Variants in ZFP28 observed in about 807,000 individuals in gnomAD.
The protein encoded by ZFP28 is zinc finger protein 28 homolog.
ZFP28 carries 31 observed loss-of-function variants against 39.5 expected under a neutral mutation model. The observed-to-expected ratio is 0.79, with a 90% CI of 0.59 to 1.06. The LOEUF (loss-of-function observed/expected upper bound fraction) is 1.06. Among genes scored for constraint, ZFP28 ranks in the 50% least tolerant of loss-of-function variants. The probability of loss-of-function intolerance (pLI) is 0.00; values close to 1 mark genes in which losing one functional copy is unlikely to be tolerated. For missense variants in ZFP28, 925 were observed against 1,048.4 expected (o/e 0.88, Z 1.63); for synonymous variants, 400 against 378.6 (o/e 1.06, Z -0.66).
Position 56,547,959 on chromosome 19 carries a change from T to C in ZFP28, c.523+57T>C. Reference sequence around the variant, plus strand: ...CACTGCTGGTCATAGTTCAGCTGACTCAGACACGCAACATCTTCAGCAGAC... The same window carrying C: ...CACTGCTGGTCATAGTTCAGCTGACCCAGACACGCAACATCTTCAGCAGAC... On this transcript the variant is annotated intron_variant, in intron 4 of 7. Transcript: ENST00000301318. The surrounding 1 kb of genome is among the most constrained non-coding windows in gnomAD (Gnocchi z 4.6). 6.5e-7 allele frequency: 1 copy of C among 1,541,082 alleles called. No homozygotes were observed. The highest frequency in any genetic ancestry group is 1.4e-5 in the African/African-American group (1 of 73,336).
Position 56,554,249 on chromosome 19 carries a change from C to T in ZFP28, c.1464C>T (p.Asn488=). The change falls in exon 8 of 8, where the codon AAC becomes AAT. Residue 488 remains asparagine (N), a synonymous_variant. Coordinates refer to ENST00000301318, the MANE Select transcript of ZFP28 (RefSeq NM_020828.2). The surrounding 1 kb of genome is among the most constrained non-coding windows in gnomAD (Gnocchi z 6.7). The part of the protein sequence containing the change: ...CIECGKAFIQ[N]TSLIRHWRYY... ...AGTGTGGGAAAGCTTTCATACAGAA[C>T]ACATCCCTTATCCGTCACTGGAGAT... 6.2e-7 allele frequency: 1 copy of T among 1,614,120 alleles called. No homozygotes were observed. The highest frequency in any genetic ancestry group is 1.3e-5 in the African/African-American group (1 of 75,012).
intron 7 of ZFP28, among the ~76,000 whole-genome samples, chr19:56,553,469 G>C (rs1456393125): frequency 6.6e-6 from 1 of 152,138 alleles, no homozygotes; most frequent in African/African-American, 2.4e-5. Context: ...CGCCTCAAGT[G>C]ATCTGCCTCA....
In ZFP28 at chr19:56,544,170, A is replaced by G. The variant is rs746302167; in HGVS notation, c.301-3338A>G. ...TCATGTCATCATGACGGTTTTAGAAATTTACAGGCAAGACACTTAGATGGC... is the reference window on the plus strand; with the variant it reads ...TCATGTCATCATGACGGTTTTAGAAGTTTACAGGCAAGACACTTAGATGGC... On this transcript the variant is annotated intron_variant, in intron 2 of 7. Coordinates refer to ENST00000301318, the MANE Select transcript of ZFP28 (RefSeq NM_020828.2). 5.3e-5 allele frequency among the ~76,000 whole-genome samples: 8 copies of G among 152,348 alleles called. No homozygotes were observed. The South Asian group carries it at 1.7e-3, about 32-fold the overall frequency.
intron 7 of ZFP28, chr19:56,551,217 A>C: frequency 1.0e-6 from 1 of 986,554 alleles, no homozygotes; most frequent in Non-Finnish European, 1.2e-6. Context: ...GTTGAATTGC[A>C]AGAAGGTGGA....
chr19:56,544,483 C>A (rs770989162), intron 2 of ZFP28: 5 of 152,198 alleles, frequency 3.3e-5, no homozygotes, highest in South Asian at 2.1e-4. Flanking sequence ...GAGTTGCGGC[C>A]AAGGCTATTT....
chr19:56,537,588 G>A (rs536040750), upstream of ZFP28: 99 of 152,356 alleles, frequency 6.5e-4, no homozygotes, highest in African/African-American at 2.3e-3. Flanking sequence ...TACATGGCTA[G>A]GTCCACCTGA....
At chr19:56,552,723 A>G (rs1447743274) in intron 7 of ZFP28, 10 of 152,072 alleles carry the variant, frequency 6.6e-5, no homozygotes, top group East Asian at 3.8e-4. Context: ...TTTCACTCCT[A>G]TCTCTTAAAA....
Position 56,554,048 on chromosome 19 carries a change from G to A in ZFP28, c.1263G>A (p.Lys421=), listed in dbSNP as rs1438274375. Residue 421 remains lysine, a synonymous_variant, in exon 8 of 8, where the codon AAG becomes AAA. Coordinates refer to ENST00000301318, the MANE Select transcript of ZFP28 (RefSeq NM_020828.2). The surrounding 1 kb of genome is among the most constrained non-coding windows in gnomAD (Gnocchi z 6.7). ...TCTATGCAGGAAAAAAGCTTTTCAA[G>A]TGTAATGAATGTAAGAAAACTTTTA... The part of the protein sequence containing the change: ...TGIYAGKKLF[K]CNECKKTFTQ... 4 of 1,614,106 alleles carry A rather than the reference G, an allele frequency of 2.5e-6. No individual in the cohort carries two copies. The highest frequency in any genetic ancestry group is 1.7e-6 in the Non-Finnish European group (2 of 1,180,012).
At position 56,553,885 on chromosome 19, in the gene ZFP28, C is replaced by A. The variant is rs146055435; in HGVS notation, c.1100C>A (p.Thr367Asn). ...CAAGAGCCAATTACTCATAACAAAA[C>A]CCTCTCTAAGGAAAGAGAACGTACA... Reference protein sequence around the residue: ...FRQEPITHNKTLSKERERTYN... With the variant: ...FRQEPITHNKNLSKERERTYN... The change falls in exon 8 of 8, where the codon ACC becomes AAC. Residue 367 changes from threonine (T) to asparagine (N), a missense_variant. Physicochemically the swap from Thr to Asn is moderately conservative, Grantham distance 65. Coordinates refer to ENST00000301318, the MANE Select transcript of ZFP28 (RefSeq NM_020828.2). The A allele has an allele frequency of 1.9e-6, 3 of 1,614,032 alleles. No homozygotes were observed. The highest frequency in any genetic ancestry group is 2.2e-5 in the East Asian group (1 of 44,878).
In ZFP28 at chr19:56,555,495, G is replaced by C; in HGVS notation, c.*103G>C. On this transcript the variant is annotated 3_prime_UTR_variant, in exon 8 of 8. Coordinates refer to ENST00000301318, the MANE Select transcript of ZFP28 (RefSeq NM_020828.2). ...CCTTATTAGTTAGTTCTTCACATAA[G>C]TGTAAATGTAACTTATTCACTCCTC... 7.1e-7 allele frequency: 1 copy of C among 1,411,912 alleles called. No homozygotes were observed. 87.5% of individuals were successfully genotyped at this position (1,411,912 alleles called of 1,614,324 possible).
intron 7 of ZFP28, chr19:56,550,854 T>C (rs759654893): frequency 1.4e-6 from 2 of 1,452,366 alleles, no homozygotes; most frequent in African/African-American, 2.9e-5. Context: ...ATCCACTTGC[T>C]TCCTTAAATG....
rs752116289 is a variant in ZFP28 at position 56,554,805 on chromosome 19, G to A, written c.2020G>A (p.Glu674Lys). The change falls in exon 8 of 8, where the codon GAG (glutamate) becomes AAG (lysine). Residue 674 changes from glutamate to lysine, a missense_variant. By Grantham distance (56) the Glu-to-Lys change is moderately conservative (BLOSUM62 1). This residue lies in a region of ZFP28 where 369 missense variants were observed against 505.5 expected (regional missense o/e 0.73). Coordinates refer to ENST00000301318, the MANE Select transcript of ZFP28 (RefSeq NM_020828.2). The surrounding 1 kb of genome is among the most constrained non-coding windows in gnomAD (Gnocchi z 6.7). ...QKTHTGEKPYECKECGKAFSQ... is the reference protein window; with the variant it reads ...QKTHTGEKPYKCKECGKAFSQ... Reference sequence around the variant, plus strand: ...AACCCATACAGGAGAGAAACCATATGAGTGCAAGGAATGCGGTAAAGCCTT... The same window carrying A: ...AACCCATACAGGAGAGAAACCATATAAGTGCAAGGAATGCGGTAAAGCCTT... The A allele has an allele frequency of 1.1e-5, 18 of 1,614,160 alleles. No individual in the cohort carries two copies. The highest frequency in any genetic ancestry group is 1.5e-5 in the Non-Finnish European group (18 of 1,180,026).
At chr19:56,544,665 T>C (rs2044224137) in intron 2 of ZFP28, 1 of 152,222 alleles carries the variant, frequency 6.6e-6, no homozygotes, top group South Asian at 2.1e-4. Context: ...TATTTTCTCA[T>C]CTGTAAAATG....
intron 2 of ZFP28, among the ~76,000 whole-genome samples, chr19:56,540,031 G>T (rs905225506): frequency 1.3e-5 from 2 of 152,202 alleles, no homozygotes; most frequent in African/African-American, 2.4e-5. Context: ...AGACTCTTCT[G>T]CTATACATGG....
rs1166891116 is a variant in ZFP28, at chr19:56,554,543, A to G, written c.1758A>G (p.Glu586=). The G allele has an allele frequency of 6.2e-7, 1 of 1,614,192 alleles. No homozygotes were observed. The highest frequency in any genetic ancestry group is 1.1e-5 in the South Asian group (1 of 91,080). ...AACATCAAAGAGTACATTCTGGAGA[A>G]AAGCCTTTTAAGTGTAAAGAGTGCG... The part of the protein sequence containing the change: ...LTQHQRVHSG[E]KPFKCKECGK... Residue 586 remains glutamate (E), a synonymous_variant, in exon 8 of 8, where the codon GAA becomes GAG. Coordinates refer to ENST00000301318, the MANE Select transcript of ZFP28 (RefSeq NM_020828.2). This position sits in a 1 kb window ranked among gnomAD's most constrained non-coding sequence, Gnocchi z 6.7.
rs183592725 is a variant in ZFP28, at chr19:56,554,838, A to G, written c.2053A>G (p.Thr685Ala). The change falls in exon 8 of 8, where the codon ACC becomes GCC. Residue 685 changes from threonine (T) to alanine (A), a missense_variant. By Grantham distance (58) the Thr-to-Ala change is moderately conservative (BLOSUM62 0). Coordinates refer to ENST00000301318, the MANE Select transcript of ZFP28 (RefSeq NM_020828.2). This position sits in a 1 kb window ranked among gnomAD's most constrained non-coding sequence, Gnocchi z 6.7. ...GGAATGCGGTAAAGCCTTCAGCCAG[A>G]CCACACACCTCATTCAACATCAGAG... ...CKECGKAFSQ[T>A]THLIQHQRVH... The G allele has an allele frequency of 2.5e-6, 4 of 1,614,164 alleles. No homozygotes were observed. The East Asian group carries it at 8.9e-5, about 36-fold the overall frequency.
chr19:56,540,261 A>T, intron 2 of ZFP28, among the ~76,000 whole-genome samples: 1 of 152,224 alleles, frequency 6.6e-6, no homozygotes, highest in East Asian at 1.9e-4. Flanking sequence ...CAAGGAGGTG[A>T]TTTTTGAGCC....
upstream of ZFP28, among the ~76,000 whole-genome samples, chr19:56,537,316 C>T (rs1006371775): frequency 2.7e-5 from 4 of 149,906 alleles, no homozygotes; most frequent in African/African-American, 7.4e-5. Context: ...CTGTGTCATA[C>T]CCAAGCAGGA....
intron 7 of ZFP28, chr19:56,552,432 A>G (rs7253371): frequency 0.43 from 64,604 of 151,986 alleles, 15,738 homozygotes; most frequent in African/African-American, 0.68. Flanking sequence ...CATTTCCCCA[A>G]CTACTTACGA....
Sources: allele counts gnomAD v4.1 joint callset (sites outside exome capture counted in the v4.1 genomes callset), GRCh38; gene constraint gnomAD v4.1.1; regional missense constraint gnomAD v4.1.1; non-coding constraint Gnocchi (gnomAD v3.1); transcripts MANE v1.5; gene names NCBI Gene and HGNC (gene_info 2026-07-23, HGNC 2026-07-21).